The following ASTN1 variants were observed in gnomAD, a reference collection of about 807,000 sequenced individuals.
The protein encoded by ASTN1 is astrotactin-1.
Under a neutral mutation model 140.7 loss-of-function variants are expected in ASTN1, and 41 were observed. The observed-to-expected ratio is 0.29, with a 90% CI of 0.23 to 0.38. The LOEUF is 0.38. Among genes scored for constraint, ASTN1 ranks in the 10% least tolerant of loss-of-function variants. ASTN1 has a pLI of 1.00. For missense variants in ASTN1, 1,479 were observed against 1,678.8 expected, an observed-to-expected ratio of 0.88 and a Z score of 2.08; for synonymous variants, 640 against 652.2, an observed-to-expected ratio of 0.98 and a Z score of 0.29.
At chr1:176,991,816 G>T (rs980447914) in intron 8 of ASTN1, among the ~76,000 whole-genome samples, 1 of 152,124 alleles carries the variant, frequency 6.6e-6, no homozygotes. Context: ...TCTGGTCCTT[G>T]GTATCCTCAG....
intron 7 of ASTN1, among the ~76,000 whole-genome samples, chr1:177,019,835 A>G (rs890307514): frequency 6.6e-6 from 1 of 152,194 alleles, no homozygotes; most frequent in Non-Finnish European, 1.5e-5. Context: ...GGATATAAAG[A>G]GGGAGCAAAA....
At chr1:176,967,016 C>A (rs943908506) in intron 8 of ASTN1, among the ~76,000 whole-genome samples, 1 of 152,066 alleles carries the variant, frequency 6.6e-6, no homozygotes, top group Non-Finnish European at 1.5e-5. Context: ...CTTAACCCAA[C>A]AAGCTAACAA....
At chr1:177,101,825 C>T (rs1433701403) in intron 1 of ASTN1, among the ~76,000 whole-genome samples, 7 of 152,276 alleles carry the variant, frequency 4.6e-5, no homozygotes, top group East Asian at 1.9e-4. Context: ...CCTTTCCTTC[C>T]CTGCCCTTGT....
chr1:176,868,933 G>C lies in ASTN1; in HGVS notation c.3558C>G (p.Pro1186=), dbSNP rs1273666412. The change falls in exon 22 of 23, where the codon CCC becomes CCG. Residue 1186 remains proline, a synonymous_variant. Transcript: ENST00000361833. ...AGTGGTAGAGGACCCGGTGTAAGGT[G>C]GGGGAACCCAGATCCAGGAGGGTGT... is the stretch of plus-strand genomic sequence containing the variant. ...AYNTLLDLGS[P]TLHRVLYHYN... is the part of the protein sequence containing the mutation. The C allele has an allele frequency of 2.5e-6, 4 of 1,612,534 alleles. 1 individual carries two copies. In the Middle Eastern group the frequency reaches 4.9e-4, roughly 200 times the overall value.
At chr1:176,993,609 C>T (rs1442905293) in intron 8 of ASTN1, among the ~76,000 whole-genome samples, 1 of 152,166 alleles carries the variant, frequency 6.6e-6, no homozygotes, top group Non-Finnish European at 1.5e-5. Flanking sequence ...CTAATAGACA[C>T]TTGAGTCACC....
chr1:177,160,673 T>C (rs1450497021), intron 1 of ASTN1, among the ~76,000 whole-genome samples: 2 of 152,230 alleles, frequency 1.3e-5, no homozygotes, highest in Non-Finnish European at 2.9e-5. Flanking sequence ...CAGGAATGTC[T>C]ACTATTTTGA....
At chr1:177,051,187 G>C (rs902658442) in intron 2 of ASTN1, among the ~76,000 whole-genome samples, 2 of 152,124 alleles carry the variant, frequency 1.3e-5, no homozygotes, top group Non-Finnish European at 2.9e-5. Context: ...TCAATCTGTG[G>C]GGGTCTGGCT....
intron 1 of ASTN1, among the ~76,000 whole-genome samples, chr1:177,148,424 A>G (rs543304434): frequency 1.3e-5 from 2 of 152,102 alleles, no homozygotes; most frequent in South Asian, 4.1e-4. Context: ...TCTCAAAAAA[A>G]AAAAAAAAGG....
chr1:176,900,879 C>T (rs1369300693), intron 16 of ASTN1, among the ~76,000 whole-genome samples: 1 of 152,160 alleles, frequency 6.6e-6, no homozygotes, highest in African/African-American at 2.4e-5. Context: ...CCTTGAAGGA[C>T]AAAATTATGC....
intron 1 of ASTN1, among the ~76,000 whole-genome samples, chr1:177,150,927 G>T (rs539830620): frequency 1.3e-5 from 2 of 152,162 alleles, no homozygotes; most frequent in African/African-American, 4.8e-5. Context: ...GAGACCATAT[G>T]GTCTAAAAGG....
intron 1 of ASTN1, among the ~76,000 whole-genome samples, chr1:177,129,951 C>T (rs563910497): frequency 1.6e-4 from 24 of 151,918 alleles, no homozygotes; most frequent in South Asian, 1.2e-3. Flanking sequence ...TGGGCAACAG[C>T]GAGACTCCAT....
In ASTN1 at chr1:177,049,215, C is replaced by A. The variant is rs113262618; in HGVS notation, c.471+11863G>T. Among the ~76,000 whole-genome samples, 153 of 152,302 alleles carry A rather than the reference C, an allele frequency of 1.0e-3. 1 individual carries two copies. The highest frequency in any genetic ancestry group is 3.3e-3 in the African/African-American group (137 of 41,554). On this transcript the variant is annotated intron_variant, in intron 2 of 22. Coordinates refer to ENST00000361833, the MANE Select transcript of ASTN1 (RefSeq NM_004319.3). ...CTTACAAGTTCAGCTAGCCCAGGACCCCCAAGGCACAGGACATAGCCCACC... is the reference window on the plus strand; with the variant it reads ...CTTACAAGTTCAGCTAGCCCAGGACACCCAAGGCACAGGACATAGCCCACC...
At chr1:177,033,474 C>T (rs1457252269) in intron 2 of ASTN1, among the ~76,000 whole-genome samples, 2 of 152,224 alleles carry the variant, frequency 1.3e-5, no homozygotes, top group Admixed American at 1.3e-4. Context: ...ACAATCAAAG[C>T]TGTTCTCAGC....
chr1:176,936,126 C>A (rs1467159659), intron 15 of ASTN1, 140 bp downstream of exon 15: 2 of 753,774 alleles, frequency 2.7e-6, no homozygotes, highest in South Asian at 1.5e-5. Context: ...CTGGATAAAT[C>A]TGAGTAAATA....
intron 1 of ASTN1, among the ~76,000 whole-genome samples, chr1:177,148,263 A>G (rs949535839): frequency 1.3e-5 from 2 of 151,930 alleles, no homozygotes; most frequent in African/African-American, 4.8e-5. Flanking sequence ...CAAAAAATAC[A>G]AAAAATTAGC....
intron 1 of ASTN1, among the ~76,000 whole-genome samples, chr1:177,154,222 C>T (rs1374451146): frequency 6.6e-6 from 1 of 152,110 alleles, no homozygotes; most frequent in Non-Finnish European, 1.5e-5. Flanking sequence ...TAATAGGTGA[C>T]CATCATGGAA....
intron 2 of ASTN1, among the ~76,000 whole-genome samples, chr1:177,048,386 C>T (rs1181479075): frequency 6.6e-6 from 1 of 152,190 alleles, no homozygotes; most frequent in Non-Finnish European, 1.5e-5. Flanking sequence ...AGGCAGAGTC[C>T]ACCATCCTAC....
chr1:177,164,329 C>T, intron 1 of ASTN1, 65 bp downstream of exon 1: 1 of 1,307,326 alleles, frequency 7.6e-7, no homozygotes, highest in Non-Finnish European at 9.8e-7. Context: ...GTAGAGCGAG[C>T]TGGAGTGGGG....
Position 177,027,713 on chromosome 1 carries a change from AGTGTGTGTGTGTGTGTGT to A in ASTN1, c.1120+1903_1120+1920del, listed in dbSNP as rs56405518. Among the ~76,000 whole-genome samples the A allele has an allele frequency of 4.3e-3, 516 of 118,622 alleles. 1 individual carries two copies. Among genetic ancestry groups the A allele is most frequent in the African/African-American group, 0.012 (377 of 30,922 alleles). The allele number at this position is 118,622 out of a possible 152,430, so 77.8% of individuals were successfully genotyped here. ...TCTCCTCTTTTGAGAAACCCAGTAC[AGTGTGTGTGTGTGTGTGT>A]GTGTGTGTGTGTGTGTGTGTGTGTG... On this transcript the variant is annotated intron_variant, in intron 5 of 22. Coordinates refer to ENST00000361833, the MANE Select transcript of ASTN1 (RefSeq NM_004319.3).
Sources: allele counts gnomAD v4.1 joint callset (sites outside exome capture counted in the v4.1 genomes callset), GRCh38; gene constraint gnomAD v4.1.1; transcripts MANE v1.5; gene names NCBI Gene and HGNC (gene_info 2026-07-23, HGNC 2026-07-21).